PAK1: variants seen among roughly 807,000 people sequenced by gnomAD.
The protein encoded by PAK1 is p21 (RAC1) activated kinase 1, also known as serine/threonine-protein kinase PAK 1.
A neutral mutation model predicts 67.4 loss-of-function variants in PAK1; 29 were observed. The observed-to-expected ratio is 0.43, with a 90% confidence interval of 0.32 to 0.59. The LOEUF (loss-of-function observed/expected upper bound fraction) is 0.59. Ranked by LOEUF, PAK1 falls within the 20% of genes least tolerant of loss-of-function variation. The pLI, the probability that PAK1 is intolerant of heterozygous loss-of-function variation, is 0.07. For missense variants in PAK1, 337 were observed against 670.7 expected, an observed-to-expected ratio of 0.50 and a Z score of 5.50; for synonymous variants, 223 against 237.4, an observed-to-expected ratio of 0.94 and a Z score of 0.56.
At chr11:77,464,568 G>A (rs948567804) in intron 1 of PAK1, among the ~76,000 whole-genome samples, 2 of 152,180 alleles carry the variant, frequency 1.3e-5, no homozygotes, top group Non-Finnish European at 2.9e-5. Flanking sequence ...ATAAATATGT[G>A]TAGTCTAATT....
At chr11:77,337,557 G>T (rs1040781160) in intron 11 of PAK1, 134 bp from the exon 12 acceptor site, 31 of 467,744 alleles carry the variant, frequency 6.6e-5, no homozygotes, top group African/African-American at 5.8e-4. Flanking sequence ...AAAAGGACTT[G>T]CCCCAAATCA....
intron 1 of PAK1, among the ~76,000 whole-genome samples, chr11:77,452,860 T>C (rs1956916918): frequency 6.6e-6 from 1 of 152,226 alleles, no homozygotes; most frequent in Non-Finnish European, 1.5e-5. Flanking sequence ...CTAACACTTC[T>C]ATTCACTAGC....
chr11:77,484,173 T>C, the PAK1 span, among the ~76,000 whole-genome samples: 2 of 143,550 alleles, frequency 1.4e-5, no homozygotes, highest in East Asian at 4.0e-4. Flanking sequence ...ATAACATTAG[T>C]ATAGAGAAAA....
At chr11:77,399,290 G>A (rs1288288601) in intron 1 of PAK1, among the ~76,000 whole-genome samples, 1 of 152,178 alleles carries the variant, frequency 6.6e-6, no homozygotes, top group African/African-American at 2.4e-5. Flanking sequence ...TGTGAATAGT[G>A]CTGTAGAACA....
chr11:77,326,835 T>C (rs1467576243), intron 14 of PAK1, among the ~76,000 whole-genome samples: 1 of 152,030 alleles, frequency 6.6e-6, no homozygotes. Context: ...CAGACTACTC[T>C]GAGCTACAGG....
intron 8 of PAK1, among the ~76,000 whole-genome samples, chr11:77,350,512 CT>C (rs1945092903): frequency 6.6e-6 from 1 of 152,110 alleles, no homozygotes; most frequent in Non-Finnish European, 1.5e-5. Flanking sequence ...ACCATAAACC[CT>C]GTGTATTTGT....
chr11:77,358,444 A>G (rs1028670505), intron 6 of PAK1, among the ~76,000 whole-genome samples: 6 of 152,188 alleles, frequency 3.9e-5, no homozygotes, highest in Admixed American at 6.5e-5. Flanking sequence ...TAATAGCACT[A>G]ATGTATTTAT....
rs899136623 is a variant in PAK1 at position 77,458,667 on chromosome 11, T to A, written c.-22+14885A>T. 2.6e-5 allele frequency among the ~76,000 whole-genome samples: 4 copies of A among 152,190 alleles called. No homozygotes were observed. In the East Asian group the frequency reaches 7.7e-4, roughly 29 times the overall value. On this transcript the variant is annotated intron_variant, in intron 1 of 14. Coordinates refer to ENST00000356341, the MANE Select transcript of PAK1 (RefSeq NM_002576.5). ...AGAGGGGTGAATGTACAGACCTTAC[T>A]GGTGAGCAGGGAGGAATGTTTGAGT...
chr11:77,344,041 T>G, intron 9 of PAK1, 110 bp from the exon 10 acceptor site: 1 of 724,006 alleles, frequency 1.4e-6, no homozygotes, highest in East Asian at 2.5e-5. Context: ...TAAGATACAG[T>G]CTTAGCCCTC....
chr11:77,510,583 A>G, the PAK1 span, among the ~76,000 whole-genome samples: 1 of 152,212 alleles, frequency 6.6e-6, no homozygotes, highest in Non-Finnish European at 1.5e-5. Context: ...ATGATTTTGT[A>G]ATATCATTTT....
intron 14 of PAK1, among the ~76,000 whole-genome samples, chr11:77,327,792 T>C (rs1940401498): frequency 1.3e-5 from 2 of 152,218 alleles, no homozygotes; most frequent in Non-Finnish European, 2.9e-5. Context: ...CAATATTAAC[T>C]TTAAACGTAA....
At chr11:77,371,640 T>C (rs1040846317) in intron 5 of PAK1, among the ~76,000 whole-genome samples, 1 of 152,198 alleles carries the variant, frequency 6.6e-6, no homozygotes, top group African/African-American at 2.4e-5. Flanking sequence ...GAATCATCTG[T>C]TTGAAACCAA....
the PAK1 span, among the ~76,000 whole-genome samples, chr11:77,500,870 C>T: frequency 4.6e-5 from 7 of 151,990 alleles, no homozygotes; most frequent in African/African-American, 1.7e-4. Flanking sequence ...TCTTTCCCAA[C>T]AGACTTCTCT....
At chr11:77,393,244 T>C (rs1237118721) in intron 1 of PAK1, among the ~76,000 whole-genome samples, 3 of 150,882 alleles carry the variant, frequency 2.0e-5, no homozygotes, top group Non-Finnish European at 4.4e-5. Context: ...CTCTCCAGTG[T>C]TTCCCTCCTC....
At chr11:77,520,301 C>T in the PAK1 span, among the ~76,000 whole-genome samples, 1 of 152,192 alleles carries the variant, frequency 6.6e-6, no homozygotes, top group Non-Finnish European at 1.5e-5. Context: ...AGATCTCCCT[C>T]AGAGGCCTAT....
chr11:77,383,616 C>T (rs540093519), intron 2 of PAK1, among the ~76,000 whole-genome samples: 33 of 152,262 alleles, frequency 2.2e-4, no homozygotes, highest in Non-Finnish European at 3.1e-4. Flanking sequence ...TGAGCCACCA[C>T]GCCCGGCCTG....
intron 12 of PAK1, 29 bp from the exon 13 acceptor site, chr11:77,336,311 T>A: frequency 6.5e-7 from 1 of 1,549,512 alleles, no homozygotes; most frequent in East Asian, 2.3e-5. Flanking sequence ...AGAAAGAACA[T>A]ACATTTAGGA....
chr11:77,362,827 TC>T (rs1946985391), intron 5 of PAK1, among the ~76,000 whole-genome samples: 1 of 152,308 alleles, frequency 6.6e-6, no homozygotes, highest in East Asian at 1.9e-4. Context: ...GATGGGGCAC[TC>T]AGTAATTGAA....
chr11:77,451,892 C>T (rs1275718194), intron 1 of PAK1, among the ~76,000 whole-genome samples: 2 of 142,748 alleles, frequency 1.4e-5, no homozygotes, highest in Non-Finnish European at 3.0e-5. Context: ...AGCCACCACG[C>T]CCGACCTCTC....
Sources: gnomAD v4.1 joint callset for allele counts (sites outside exome capture counted in the v4.1 genomes callset) on GRCh38, gnomAD v4.1.1 for gene constraint, MANE v1.5 for transcripts, NCBI Gene and HGNC (gene_info 2026-07-23, HGNC 2026-07-21) for gene names.